MYH2: variants seen among roughly 807,000 people sequenced by gnomAD.
The protein encoded by MYH2 is myosin heavy chain 2.
A neutral mutation model predicts 228.1 loss-of-function variants in MYH2; 139 were observed. The ratio of observed to expected loss-of-function variants is 0.61; its 90% CI spans 0.53 to 0.70. The LOEUF (loss-of-function observed/expected upper bound fraction) is 0.70, where lower values mean the gene tolerates loss of function less well. MYH2 is among the 30% of genes least tolerant of loss of function. The pLI, the probability that MYH2 is intolerant of heterozygous loss-of-function variation, is 0.00. For synonymous variants in MYH2, 796 were observed against 871.1 expected (o/e 0.91, Z 1.52); for missense variants, 1,809 against 2,357.5 (o/e 0.77, Z 4.82).
intron 6 of MYH2, 35 bp downstream of exon 6, chr17:10,544,065 C>G (rs774676998): frequency 6.2e-7 from 1 of 1,614,206 alleles, no homozygotes; most frequent in South Asian, 1.1e-5. Flanking sequence ...TAGCAGCTAT[C>G]ACAGCCATGT....
intron 5 of MYH2, among the ~76,000 whole-genome samples, chr17:10,544,796 TA>T (rs1350284231): frequency 6.6e-6 from 1 of 152,204 alleles, no homozygotes; most frequent in Non-Finnish European, 1.5e-5. Flanking sequence ...ATTCAACATC[TA>T]ACTGTTTTAA....
rs2073590309 is a variant in MYH2 at position 10,543,782 on chromosome 17, T to C, written c.670A>G (p.Ile224Val). Residue 224 changes from isoleucine (I) to valine (V), a missense_variant, in exon 8 of 40, where the codon ATC becomes GTC. Ile to Val is a conservative substitution (Grantham distance 29, BLOSUM62 3). Coordinates refer to ENST00000245503, the MANE Select transcript of MYH2 (RefSeq NM_017534.6). Reference sequence around the variant, plus strand: ...GCCTCCAGTAGGGGGTTGGCACTGATGATTTGATCTTCCAGAGTCCCCTGC... The same window carrying C: ...GCCTCCAGTAGGGGGTTGGCACTGACGATTTGATCTTCCAGAGTCCCCTGC... ...KIQGTLEDQIISANPLLEAFG... is the reference protein window; with the variant it reads ...KIQGTLEDQIVSANPLLEAFG... The C allele has an allele frequency of 6.2e-7, 1 of 1,614,088 alleles. No individual in the cohort carries two copies. Among genetic ancestry groups the C allele is most frequent in the Admixed American group, 1.7e-5 (1 of 59,996 alleles).
At position 10,526,692 on chromosome 17, in the gene MYH2, C is replaced by T. The variant is rs745629813; in HGVS notation, c.4094G>A (p.Arg1365Lys). Residue 1365 changes from arginine to lysine, a missense_variant, in exon 30 of 40, where the codon AGA (arginine) becomes AAA (lysine). By Grantham distance (26) the Arg-to-Lys change is conservative (BLOSUM62 2). Coordinates refer to ENST00000245503, the MANE Select transcript of MYH2 (RefSeq NM_017534.6). ...EEQESKAELQ[R>K]ALSKANTEVA... ...CTCGGTGTTGGCCTTGGACAGTGCT[C>T]TCTGCAGCTCGGCCTTGGATTCCTG... The T allele has an allele frequency of 1.4e-5, 22 of 1,614,018 alleles. No individual in the cohort carries two copies. The East Asian group carries it at 3.3e-4, about 25-fold the overall frequency.
chr17:10,533,418 AG>A lies in MYH2; in HGVS notation c.2307del (p.Phe771SerfsTer9). 1 of 1,614,178 alleles carries A rather than the reference AG, an allele frequency of 6.2e-7. No homozygotes were observed. Among genetic ancestry groups the A allele is most frequent in the Non-Finnish European group, 8.5e-7 (1 of 1,180,028 alleles). ...AGCCCCAGAAGACCAGCTTTGAAAA[AG>A]ACCTGTGAATGGAAAGAGTTGCAAA... The part of the protein sequence containing the change: ...HTQYKFGHTK[V>X]FFKAGLLGLL... On this transcript the variant is annotated frameshift_variant and splice_region_variant, in exon 21 of 40. Transcript: ENST00000245503. LOFTEE classifies it high-confidence loss of function.
In MYH2 at chr17:10,525,349, C is replaced by T. The variant is rs1597448285; in HGVS notation, c.4538-1G>A. 6.2e-7 allele frequency: 1 copy of T among 1,614,128 alleles called. No individual in the cohort carries two copies. On this transcript the variant is annotated splice_acceptor_variant, in intron 32 of 39. Coordinates refer to ENST00000245503, the MANE Select transcript of MYH2 (RefSeq NM_017534.6). LOFTEE classifies it high-confidence loss of function. The surrounding 1 kb of genome is among the most constrained non-coding windows in gnomAD (Gnocchi z 4.2). ...TGTTCCGTGAGGTCAGAAATCTCCT[C>T]TGTTGTTTGAGTAAAAGACAGGTAG...
At position 10,521,250 on chromosome 17, in the gene MYH2, C is replaced by G; in HGVS notation, c.*30G>C. On this transcript the variant is annotated 3_prime_UTR_variant, in exon 40 of 40. Coordinates refer to ENST00000245503, the MANE Select transcript of MYH2 (RefSeq NM_017534.6). ...CAAAGATGTCACATTTTGTGCCTGT[C>G]TTCAGTCATTCCATGGCATCAGGAC... 1 of 1,612,320 alleles carries G rather than the reference C, an allele frequency of 6.2e-7. No individual in the cohort carries two copies. The highest frequency in any genetic ancestry group is 8.5e-7 in the Non-Finnish European group (1 of 1,179,664).
chr17:10,529,412 C>T lies in MYH2; in HGVS notation c.3187G>A (p.Gly1063Ser), dbSNP rs778475119. 2 of 1,614,176 alleles carry T rather than the reference C, an allele frequency of 1.2e-6. No homozygotes were observed. The highest frequency in any genetic ancestry group is 2.2e-5 in the East Asian group (1 of 44,880). The change falls in exon 25 of 40, where the codon GGT becomes AGT. Residue 1063 changes from glycine (G) to serine (S), a missense_variant. Coordinates refer to ENST00000245503, the MANE Select transcript of MYH2 (RefSeq NM_017534.6). ...DLERAKRKLE[G>S]DLKLAQESIM... ...GATTCTTGGGCCAACTTCAAGTCACCCTCAAGTTTCCTCTTAGCCCTTTCT... is the reference window on the plus strand; with the variant it reads ...GATTCTTGGGCCAACTTCAAGTCACTCTCAAGTTTCCTCTTAGCCCTTTCT...
At chr17:10,546,256 G>GATATATATATAT (rs71139049) in intron 4 of MYH2, among the ~76,000 whole-genome samples, 3,104 of 65,750 alleles carry the variant, frequency 0.047, 427 homozygotes, top group East Asian at 0.075. Context: ...GACACGAAAT[G>GATATATATATAT]ATATATATAT....
intron 4 of MYH2, among the ~76,000 whole-genome samples, chr17:10,546,142 T>A (rs951019840): frequency 6.6e-6 from 1 of 151,318 alleles, no homozygotes; most frequent in Non-Finnish European, 1.5e-5. Context: ...CTATGGTAAA[T>A]CTTCTAAGAC....
At chr17:10,529,297 T>C in intron 25 of MYH2, 39 bp downstream of exon 25, 1 of 1,614,096 alleles carries the variant, frequency 6.2e-7, no homozygotes, top group South Asian at 1.1e-5. Context: ...CCGTATCTAA[T>C]GTTGGAAGCA....
At chr17:10,542,835 T>C in intron 10 of MYH2, 40 bp downstream of exon 10, 1 of 1,378,518 alleles carries the variant, frequency 7.3e-7, no homozygotes, top group Non-Finnish European at 1.0e-6. Flanking sequence ...TGATAGGTAC[T>C]GATGCAGTAA....
Position 10,544,087 on chromosome 17 carries a change from A to G in MYH2, c.533+13T>C. ...TATCACAGCCATGTAAAGAAAGCAT[A>G]AAATCTACTTACGTGATCAGGATTG... On this transcript the variant is annotated intron_variant, in intron 6 of 39. Coordinates refer to ENST00000245503, the MANE Select transcript of MYH2 (RefSeq NM_017534.6). 6.2e-7 allele frequency: 1 copy of G among 1,614,174 alleles called. No homozygotes were observed. The highest frequency in any genetic ancestry group is 8.5e-7 in the Non-Finnish European group (1 of 1,179,990).
At chr17:10,536,269 C>T (rs998247836) in intron 17 of MYH2, among the ~76,000 whole-genome samples, 3 of 151,984 alleles carry the variant, frequency 2.0e-5, no homozygotes, top group Non-Finnish European at 4.4e-5. Flanking sequence ...CACTAAAGAA[C>T]TTATGCATGT....
chr17:10,523,867 G>A lies in MYH2; in HGVS notation c.5193C>T (p.Asn1731=). ...TATCTGTCTCCAGCTTCTTCTTGGT[G>A]TTGATCAGGCTGGTGTTCTGTTTAA... ...LLHTQNTSLI[N]TKKKLETDIS... is the part of the protein sequence containing the mutation. Residue 1731 remains asparagine, a synonymous_variant, in exon 36 of 40, where the codon AAC becomes AAT. Transcript: ENST00000245503. The A allele has an allele frequency of 6.2e-7, 1 of 1,613,670 alleles. No homozygotes were observed. The highest frequency in any genetic ancestry group is 1.3e-5 in the African/African-American group (1 of 74,978).
In MYH2 at chr17:10,524,906, C is replaced by T. The variant is rs1428350110; in HGVS notation, c.4822G>A (p.Asp1608Asn). Residue 1608 changes from aspartate to asparagine, a missense_variant, in exon 34 of 40, where the codon GAT becomes AAT. Asp to Asn is a conservative substitution (Grantham distance 23, BLOSUM62 1). Coordinates refer to ENST00000245503, the MANE Select transcript of MYH2 (RefSeq NM_017534.6). The surrounding 1 kb of genome is among the most constrained non-coding windows in gnomAD (Gnocchi z 4.7). ...RIVESMQSTL[D>N]AEIRSRNDAI... ...TCATTCCTACTCCTGATCTCAGCAT[C>T]CAGCGTGCTCTGCATGGACTCCACG... 1.2e-6 allele frequency: 2 copies of T among 1,614,098 alleles called. No individual in the cohort carries two copies. Among genetic ancestry groups the T allele is most frequent in the South Asian group, 2.2e-5 (2 of 91,078 alleles).
At chr17:10,543,854 T>C (rs2073591089) in intron 7 of MYH2, 48 bp downstream of exon 7, 1 of 1,613,882 alleles carries the variant, frequency 6.2e-7, no homozygotes, top group African/African-American at 1.3e-5. Flanking sequence ...ATTTCCTACC[T>C]GAGAGTCCCG....
chr17:10,534,578 A>G (rs1198868630), intron 19 of MYH2, among the ~76,000 whole-genome samples: 1 of 152,240 alleles, frequency 6.6e-6, no homozygotes, highest in Non-Finnish European at 1.5e-5. Flanking sequence ...GATAAATCCA[A>G]TGAAAATTCC....
chr17:10,546,372 C>A (rs1297475732), intron 4 of MYH2, among the ~76,000 whole-genome samples: 13 of 148,400 alleles, frequency 8.8e-5, no homozygotes, highest in Non-Finnish European at 1.6e-4. Flanking sequence ...TGGATGCTGA[C>A]CATCAACTCT....
chr17:10,542,936 C>G lies in MYH2; in HGVS notation c.843G>C (p.Lys281Asn). The change falls in exon 10 of 40, where the codon AAG becomes AAC. Residue 281 changes from lysine to asparagine, a missense_variant. This residue lies in a region of MYH2 where 373 missense variants were observed against 620.4 expected (regional missense o/e 0.60). Coordinates refer to ENST00000245503, the MANE Select transcript of MYH2 (RefSeq NM_017534.6). The stretch of plus-strand genomic sequence containing the variant: ...AAAAAATATGATAACTTCTCTCAGC[C>G]TTAAGCTGGAAAACAACTCTAGACT... Reference protein sequence around the residue: ...LEKSRVVFQLKAERSYHIFYQ... With the variant: ...LEKSRVVFQLNAERSYHIFYQ... 6.2e-7 allele frequency: 1 copy of G among 1,612,824 alleles called. No individual in the cohort carries two copies. The highest frequency in any genetic ancestry group is 8.5e-7 in the Non-Finnish European group (1 of 1,179,026).
Sources: allele counts gnomAD v4.1 joint callset (sites outside exome capture counted in the v4.1 genomes callset), GRCh38; gene constraint gnomAD v4.1.1; regional missense constraint gnomAD v4.1.1; non-coding constraint Gnocchi (gnomAD v3.1); transcripts MANE v1.5; gene names NCBI Gene and HGNC (gene_info 2026-07-23, HGNC 2026-07-21).